Variants in AGAP1 observed in about 807,000 individuals in gnomAD.
AGAP1 encodes ArfGAP with GTPase domain, ankyrin repeat and PH domain 1, also known as arf-GAP with GTPase, ANK repeat and PH domain-containing protein 1.
Under a neutral mutation model 105.3 loss-of-function variants are expected in AGAP1, and 29 were observed. The observed-to-expected ratio is 0.28, with a 90% CI of 0.21 to 0.38. AGAP1 has a LOEUF of 0.38. Ranked by LOEUF, AGAP1 falls within the 10% of genes least tolerant of loss-of-function variation. AGAP1 has a pLI of 1.00. For missense variants in AGAP1, 998 were observed against 1,165.1 expected, an observed-to-expected ratio of 0.86 and a Z score of 2.09; for synonymous variants, 509 against 485.9, an observed-to-expected ratio of 1.05 and a Z score of -0.63.
chr2:235,771,623 C>T (rs1955457350), intron 6 of AGAP1, among the ~76,000 whole-genome samples: 1 of 152,162 alleles, frequency 6.6e-6, no homozygotes. Context: ...AGGCTTAGAG[C>T]CCAGGAAGCT....
At chr2:235,567,832 G>A (rs1261435689) in intron 1 of AGAP1, among the ~76,000 whole-genome samples, 1 of 152,048 alleles carries the variant, frequency 6.6e-6, no homozygotes, top group Non-Finnish European at 1.5e-5. Context: ...GAGGAGAGAG[G>A]AAAGGACAAA....
chr2:235,956,492 A>G (rs13418731), intron 12 of AGAP1, among the ~76,000 whole-genome samples: 7,450 of 152,200 alleles, frequency 0.049, 607 homozygotes, highest in African/African-American at 0.17. Context: ...GCCATTCGGC[A>G]CCAGCTGGCC....
intron 9 of AGAP1, among the ~76,000 whole-genome samples, chr2:235,819,966 C>G (rs1307814040): frequency 7.1e-6 from 1 of 140,794 alleles, no homozygotes; most frequent in South Asian, 2.2e-4. Context: ...TGCAATGGTG[C>G]GATCTCAGCT....
At chr2:235,766,928 T>A (rs1357380573) in intron 6 of AGAP1, among the ~76,000 whole-genome samples, 1 of 147,512 alleles carries the variant, frequency 6.8e-6, no homozygotes, top group African/African-American at 2.6e-5. Context: ...TTTTTTTTTT[T>A]TGTGAGATGT....
intron 9 of AGAP1, among the ~76,000 whole-genome samples, chr2:235,880,461 A>G (rs2049960958): frequency 6.6e-6 from 1 of 152,132 alleles, no homozygotes; most frequent in South Asian, 2.1e-4. Context: ...TGAATGACGG[A>G]AAAATGGGAG....
chr2:235,713,907 T>C (rs1950969060), intron 2 of AGAP1, among the ~76,000 whole-genome samples: 1 of 152,218 alleles, frequency 6.6e-6, no homozygotes, highest in East Asian at 1.9e-4. Flanking sequence ...GCGAGAGGTC[T>C]TTCTCAGGCC....
rs2052657588 is a variant in AGAP1, at chr2:235,930,283, A to G, written c.1325-482A>G. Among the ~76,000 whole-genome samples, 1 of 152,040 alleles carries G rather than the reference A, an allele frequency of 6.6e-6. No homozygotes were observed. The highest frequency in any genetic ancestry group is 1.5e-5 in the Non-Finnish European group (1 of 67,972). ...TGTCTAGGGACTTTGATTTGTGTTG[A>G]TCATAAAGTATGGCTTCCCCATGAA... is the stretch of plus-strand genomic sequence containing the variant. On this transcript the variant is annotated intron_variant, in intron 11 of 17. Coordinates refer to ENST00000304032, the MANE Select transcript of AGAP1 (RefSeq NM_001037131.3). This position sits in a 1 kb window ranked among gnomAD's most constrained non-coding sequence, Gnocchi z 7.9.
In AGAP1 at chr2:236,053,270, G is replaced by C. The variant is rs1248746981; in HGVS notation, c.2114+3989G>C. ...ACGTCTCCTGCATGAATGAATGATT[G>C]AACGAGTAAATGAGTGAAAGCGGGA... On this transcript the variant is annotated intron_variant, in intron 16 of 17. Transcript: ENST00000304032. This position sits in a 1 kb window ranked among gnomAD's most constrained non-coding sequence, Gnocchi z 4.6. 6.6e-6 allele frequency among the ~76,000 whole-genome samples: 1 copy of C among 152,196 alleles called. No homozygotes were observed. Among genetic ancestry groups the C allele is most frequent in the African/African-American group, 2.4e-5 (1 of 41,458 alleles).
At chr2:235,537,049 C>G (rs1028209924) in intron 1 of AGAP1, among the ~76,000 whole-genome samples, 5 of 152,250 alleles carry the variant, frequency 3.3e-5, no homozygotes, top group Admixed American at 1.3e-4. Context: ...CTCCTCTGCG[C>G]CTGCCCAGGT....
At chr2:235,676,728 T>G (rs970418804) in intron 1 of AGAP1, among the ~76,000 whole-genome samples, 1 of 152,238 alleles carries the variant, frequency 6.6e-6, no homozygotes, top group African/African-American at 2.4e-5. Flanking sequence ...TGATAGGAAT[T>G]CTCCTTTAGG....
At chr2:236,069,595 T>G (rs2058444824) in intron 16 of AGAP1, among the ~76,000 whole-genome samples, 1 of 152,176 alleles carries the variant, frequency 6.6e-6, no homozygotes, top group African/African-American at 2.4e-5. Context: ...GGCTAACTTT[T>G]GTATTTTTAG....
chr2:235,541,504 C>T lies in AGAP1; in HGVS notation c.163+46655C>T, dbSNP rs1251186639. 2.7e-5 allele frequency among the ~76,000 whole-genome samples: 4 copies of T among 150,606 alleles called. No individual in the cohort carries two copies. In the East Asian group the frequency reaches 5.9e-4, roughly 22 times the overall value. On this transcript the variant is annotated intron_variant, in intron 1 of 17. Coordinates refer to ENST00000304032, the MANE Select transcript of AGAP1 (RefSeq NM_001037131.3). ...CCGGGTTCACACCATTCTCCTGCCT[C>T]AGCCTCCTGAGTAGCTGGGACTACA...
At chr2:235,669,621 A>ACCGCCGCCCGCCGCCCGCCGC (rs546566494) in intron 1 of AGAP1, 13 of 125,378 alleles carry the variant, frequency 1.0e-4, no homozygotes, top group African/African-American at 3.8e-4. Context: ...TCCATTTTAA[A>ACCGCCGCCCGCCGCCCGCCGC]CCGCCGCCCG....
At chr2:235,525,958 CATA>C (rs1942820527) in intron 1 of AGAP1, among the ~76,000 whole-genome samples, 1 of 68,524 alleles carries the variant, frequency 1.5e-5, no homozygotes, top group Non-Finnish European at 2.9e-5. Context: ...AGGACTGACA[CATA>C]ATGTGGAGGA....
intron 2 of AGAP1, among the ~76,000 whole-genome samples, chr2:235,709,603 C>G (rs969702133): frequency 1.3e-5 from 2 of 151,866 alleles, no homozygotes; most frequent in African/African-American, 4.8e-5. Flanking sequence ...CACACACACA[C>G]CCCCATGGAT....
chr2:235,497,392 T>C (rs1361238251), intron 1 of AGAP1, among the ~76,000 whole-genome samples: 3 of 152,172 alleles, frequency 2.0e-5, no homozygotes, highest in African/African-American at 4.8e-5. Context: ...GCGTGCACCT[T>C]GGAGGTTTTA....
At position 236,092,011 on chromosome 2, in the gene AGAP1, G is replaced by T. The variant is rs1019062334; in HGVS notation, c.2115-28181G>T. Among the ~76,000 whole-genome samples the T allele has an allele frequency of 2.6e-5, 4 of 152,202 alleles. No homozygotes were observed. Among genetic ancestry groups the T allele is most frequent in the Non-Finnish European group, 5.9e-5 (4 of 68,036 alleles). On this transcript the variant is annotated intron_variant, in intron 16 of 17. Transcript: ENST00000304032. The surrounding 1 kb of genome is among the most constrained non-coding windows in gnomAD (Gnocchi z 4.7). ...AGGGAATTACATTGAGTGAAAAAAAGCCTGTCCCAAAAGATTACGTGCTGT... is the reference window on the plus strand; with the variant it reads ...AGGGAATTACATTGAGTGAAAAAAATCCTGTCCCAAAAGATTACGTGCTGT...
chr2:236,062,869 C>T lies in AGAP1; in HGVS notation c.2114+13588C>T, dbSNP rs912914497. On this transcript the variant is annotated intron_variant, in intron 16 of 17. Coordinates refer to ENST00000304032, the MANE Select transcript of AGAP1 (RefSeq NM_001037131.3). The surrounding 1 kb of genome is among the most constrained non-coding windows in gnomAD (Gnocchi z 4.2). ...TAGAGATGGGGTTTCACCATCTTGGCCAGGCTGGTCTTGAACTCCTGACCT... is the reference window on the plus strand; with the variant it reads ...TAGAGATGGGGTTTCACCATCTTGGTCAGGCTGGTCTTGAACTCCTGACCT... Among the ~76,000 whole-genome samples the T allele has an allele frequency of 2.0e-5, 3 of 152,076 alleles. No individual in the cohort carries two copies. The highest frequency in any genetic ancestry group is 7.2e-5 in the African/African-American group (3 of 41,416).
rs576435396 is a variant in AGAP1, at chr2:236,001,464, G to A, written c.1645+32841G>A. ...TTAACGTTGAAAATTTCCCTCTGGC[G>A]GCTGGGCAGAGTGGGCTGCAGGGGC... On this transcript the variant is annotated intron_variant, in intron 13 of 17. Coordinates refer to ENST00000304032, the MANE Select transcript of AGAP1 (RefSeq NM_001037131.3). This position sits in a 1 kb window ranked among gnomAD's most constrained non-coding sequence, Gnocchi z 4.7. Among the ~76,000 whole-genome samples the A allele has an allele frequency of 7.2e-5, 11 of 152,298 alleles. No homozygotes were observed. The highest frequency in any genetic ancestry group is 3.3e-4 in the Admixed American group (5 of 15,304).
Sources: allele counts gnomAD v4.1 joint callset (sites outside exome capture counted in the v4.1 genomes callset), GRCh38; gene constraint gnomAD v4.1.1; non-coding constraint Gnocchi (gnomAD v3.1); transcripts MANE v1.5; gene names NCBI Gene and HGNC (gene_info 2026-07-23, HGNC 2026-07-21).